The following MZT1 variants were observed in gnomAD, a reference collection of about 807,000 sequenced individuals.
MZT1 encodes mitotic-spindle organizing protein 1.
Under a neutral mutation model 8.5 loss-of-function variants are expected in MZT1, and 8 were observed. The observed-to-expected ratio is 0.94, with a 90% CI of 0.55 to 1.70. The LOEUF is 1.70. MZT1 is among the 40% of genes most tolerant of loss of function. The pLI is 0.00. For missense variants in MZT1, 93 were observed against 108.6 expected, an observed-to-expected ratio of 0.86 and a Z score of 0.64; for synonymous variants, 38 against 42.0, an observed-to-expected ratio of 0.90 and a Z score of 0.37.
intron 1 of MZT1, among the ~76,000 whole-genome samples, chr13:72,723,645 A>C (rs2032610578): frequency 6.8e-6 from 1 of 147,038 alleles, no homozygotes; most frequent in Non-Finnish European, 1.5e-5. Flanking sequence ...AAAATATTAC[A>C]AAAAAAAAAA....
chr13:72,720,310 T>C (rs190837613), intron 1 of MZT1, among the ~76,000 whole-genome samples: 13 of 152,368 alleles, frequency 8.5e-5, no homozygotes, highest in African/African-American at 2.2e-4. Flanking sequence ...TTATATTGCA[T>C]GTAGTAGGGT....
chr13:72,718,658 T>G (rs531210081), intron 2 of MZT1, among the ~76,000 whole-genome samples: 1 of 152,086 alleles, frequency 6.6e-6, no homozygotes, highest in Admixed American at 6.5e-5. Flanking sequence ...TTTTGTATTT[T>G]TAGTAGAGAA....
intron 1 of MZT1, among the ~76,000 whole-genome samples, chr13:72,726,565 A>G (rs893702709): frequency 6.6e-6 from 1 of 152,156 alleles, no homozygotes; most frequent in African/African-American, 2.4e-5. Flanking sequence ...TGCAAATAAC[A>G]ACATCGATCA....
chr13:72,708,951 T>C lies in MZT1; in HGVS notation c.*1371A>G, dbSNP rs1179899368. The C allele has an allele frequency of 1.3e-4, 20 of 151,886 alleles. No individual in the cohort carries two copies. Among genetic ancestry groups the C allele is most frequent in the Admixed American group, 9.8e-4 (15 of 15,250 alleles). The allele number at this position is 151,886 out of a possible 1,614,324, so 9.4% of individuals were successfully genotyped here. Reference sequence around the variant, plus strand: ...GTGAATGCTTGTACAATCATATAAATGGTACTCAATAAAATCTAAAATTTA... The same window carrying C: ...GTGAATGCTTGTACAATCATATAAACGGTACTCAATAAAATCTAAAATTTA... On this transcript the variant is annotated 3_prime_UTR_variant, in exon 3 of 3. Transcript: ENST00000377818.
intron 1 of MZT1, among the ~76,000 whole-genome samples, chr13:72,726,384 T>C (rs1017991129): frequency 6.6e-6 from 1 of 151,892 alleles, no homozygotes; most frequent in Non-Finnish European, 1.5e-5. Context: ...TGAGCCGAGG[T>C]TGCGCCATTG....
At position 72,718,952 on chromosome 13, in the gene MZT1, CT is replaced by C; in HGVS notation, c.224del (p.Lys75ArgfsTer6). ...KELRKATEALKAAENMTS is the reference protein window; with the variant it reads ...KELRKATEALXAAENMTS ...GAATGAACTAATAGGAATCTCCAACCTTCAGTGCTTCAGTAGCCTTGCGAAG... is the reference window on the plus strand; with the variant it reads ...GAATGAACTAATAGGAATCTCCAACCTCAGTGCTTCAGTAGCCTTGCGAAG... On this transcript the variant is annotated frameshift_variant and splice_region_variant, in exon 2 of 3. Coordinates refer to ENST00000377818, the MANE Select transcript of MZT1 (RefSeq NM_001071775.3). LOFTEE classifies it high-confidence loss of function. 6.4e-7 allele frequency: 1 copy of C among 1,560,286 alleles called. No homozygotes were observed. Among genetic ancestry groups the C allele is most frequent in the Non-Finnish European group, 8.6e-7 (1 of 1,163,182 alleles).
At chr13:72,723,130 C>T (rs1040001271) in intron 1 of MZT1, among the ~76,000 whole-genome samples, 1 of 152,104 alleles carries the variant, frequency 6.6e-6, no homozygotes, top group Non-Finnish European at 1.5e-5. Context: ...ATGGTAGACC[C>T]CCCCACGTAT....
intron 1 of MZT1, among the ~76,000 whole-genome samples, chr13:72,721,148 C>T (rs1334894988): frequency 1.3e-5 from 2 of 151,984 alleles, no homozygotes; most frequent in Non-Finnish European, 2.9e-5. Context: ...ACTTAGGTAC[C>T]GGATAGTTTT....
At chr13:72,716,269 G>A (rs979234501) in intron 2 of MZT1, among the ~76,000 whole-genome samples, 3 of 152,080 alleles carry the variant, frequency 2.0e-5, no homozygotes, top group African/African-American at 7.2e-5. Flanking sequence ...TACCATAAAA[G>A]TGAGGATAGT....
chr13:72,715,974 T>C (rs531637125), intron 2 of MZT1, among the ~76,000 whole-genome samples: 188 of 152,096 alleles, frequency 1.2e-3, no homozygotes, highest in African/African-American at 4.3e-3. Context: ...TAGAGTACAG[T>C]GGTGTGAATC....
chr13:72,726,168 GCCTGTAAT>G (rs2032653238), intron 1 of MZT1, among the ~76,000 whole-genome samples: 1 of 152,148 alleles, frequency 6.6e-6, no homozygotes, highest in Non-Finnish European at 1.5e-5. Flanking sequence ...GGTGGCTCAC[GCCTGTAAT>G]CCTAGCATTT....
chr13:72,711,492 C>T (rs982134844), intron 2 of MZT1, among the ~76,000 whole-genome samples: 34 of 151,904 alleles, frequency 2.2e-4, no homozygotes, highest in Admixed American at 2.2e-3. Context: ...TCTAAATAGT[C>T]AACCAAAGAG....
intron 1 of MZT1, among the ~76,000 whole-genome samples, chr13:72,722,165 G>A (rs904416392): frequency 2.0e-5 from 3 of 152,294 alleles, no homozygotes; most frequent in South Asian, 4.1e-4. Context: ...AAAGACAGTG[G>A]TTAGGAGTGT....
At chr13:72,718,476 T>A (rs2032558966) in intron 2 of MZT1, among the ~76,000 whole-genome samples, 1 of 151,882 alleles carries the variant, frequency 6.6e-6, no homozygotes, top group Admixed American at 6.6e-5. Context: ...TAGTAGTAAT[T>A]TTTCTTTTTT....
At chr13:72,719,709 G>A (rs973611727) in intron 1 of MZT1, among the ~76,000 whole-genome samples, 9 of 152,258 alleles carry the variant, frequency 5.9e-5, no homozygotes, top group East Asian at 1.9e-4. Flanking sequence ...ATTTGACAGC[G>A]TAATCATGTC....
intron 1 of MZT1, among the ~76,000 whole-genome samples, chr13:72,720,781 G>A (rs1446602803): frequency 2.6e-5 from 4 of 152,154 alleles, no homozygotes; most frequent in East Asian, 1.9e-4. Context: ...CCAGCTACTT[G>A]GAAGACTGAG....
In MZT1 at chr13:72,719,119, A is replaced by G. The variant is rs200026985; in HGVS notation, c.80-22T>C. The G allele has an allele frequency of 3.8e-4, 583 of 1,523,122 alleles. 7 individuals are homozygous for G. The East Asian group carries it at 9.4e-3, about 25-fold the overall frequency. 94.4% of individuals were successfully genotyped at this position (1,523,122 alleles called of 1,614,324 possible). A position where few individuals can be genotyped will look rare whatever the true frequency, so the allele number is the denominator to read the frequency against. ...AGAACTGAAAAAAGATACAAAAAAA[A>G]AAAAAACTTAAGGCTTACAGCATTT... is the stretch of plus-strand genomic sequence containing the variant. On this transcript the variant is annotated intron_variant, in intron 1 of 2. Transcript: ENST00000377818.
Position 72,710,184 on chromosome 13 carries a change from G to A in MZT1, c.*138C>T. 2.7e-6 allele frequency: 2 copies of A among 745,284 alleles called. No individual in the cohort carries two copies. The highest frequency in any genetic ancestry group is 4.5e-6 in the Non-Finnish European group (2 of 447,394). 46.2% of individuals were successfully genotyped at this position (745,284 alleles called of 1,614,324 possible). A position where few individuals can be genotyped will look rare whatever the true frequency, so the allele number is the denominator to read the frequency against. ...ACTTTCCACTGATTTATAAAGCTAT[G>A]GTTTTATAATTCTTTTAAAAAGTAA... On this transcript the variant is annotated 3_prime_UTR_variant, in exon 3 of 3. Coordinates refer to ENST00000377818, the MANE Select transcript of MZT1 (RefSeq NM_001071775.3).
chr13:72,713,058 T>C (rs754185095), intron 2 of MZT1, among the ~76,000 whole-genome samples: 9 of 152,210 alleles, frequency 5.9e-5, no homozygotes, highest in Non-Finnish European at 1.3e-4. Flanking sequence ...AACGACTTCA[T>C]CTTTTCCTAA....
Sources: gnomAD v4.1 joint callset for allele counts (sites outside exome capture counted in the v4.1 genomes callset) on GRCh38, gnomAD v4.1.1 for gene constraint, MANE v1.5 for transcripts, NCBI Gene and HGNC (gene_info 2026-07-23, HGNC 2026-07-21) for gene names.